The following STX2 variants were observed in gnomAD, a reference collection of about 807,000 sequenced individuals.
STX2 encodes syntaxin 2.
A neutral mutation model predicts 40.6 loss-of-function variants in STX2; 27 were observed. That is an observed-to-expected ratio of 0.66 (90% CI 0.49 to 0.92). The LOEUF (loss-of-function observed/expected upper bound fraction) is 0.92, where lower values mean the gene tolerates loss of function less well. Among genes scored for constraint, STX2 ranks in the 40% least tolerant of loss-of-function variants. STX2 has a pLI of 0.00. For synonymous variants in STX2, 123 were observed against 119.1 expected, an observed-to-expected ratio of 1.03 and a Z score of -0.22; for missense variants, 328 against 366.1, an observed-to-expected ratio of 0.90 and a Z score of 0.85.
At chr12:130,828,391 C>CTTTTTTTTTTTT (rs35993256) in intron 1 of STX2, among the ~76,000 whole-genome samples, 8 of 106,530 alleles carry the variant, frequency 7.5e-5, no homozygotes, top group East Asian at 3.0e-4. Context: ...CCACACCCGG[C>CTTTTTTTTTTTT]TTTTTTTTTT....
At position 130,801,208 on chromosome 12, in the gene STX2, C is replaced by G. The variant is rs1406716902; in HGVS notation, c.620G>C (p.Ser207Thr). 14 of 1,614,036 alleles carry G rather than the reference C, an allele frequency of 8.7e-6. No individual in the cohort carries two copies. The highest frequency in any genetic ancestry group is 1.0e-5 in the Non-Finnish European group (12 of 1,179,916). Reference protein sequence around the residue: ...RHKDIMKLETSIRELHEMFMD... With the variant: ...RHKDIMKLETTIRELHEMFMD... ...GAACATCTCATGCAACTCTCGGATG[C>G]TGGTCTCCAGCTTCATGATGTCCTT... The change falls in exon 8 of 11, where the codon AGC (serine) becomes ACC (threonine). Residue 207 changes from serine (S) to threonine (T), a missense_variant. Physicochemically the swap from Ser to Thr is moderately conservative, Grantham distance 58 (BLOSUM62 1). Transcript: ENST00000392373.
rs781171109 is a variant in STX2, at chr12:130,798,510, C to T, written c.786+15G>A. 3.1e-4 allele frequency: 483 copies of T among 1,575,488 alleles called. 2 individuals are homozygous for T. The highest frequency in any genetic ancestry group is 3.9e-4 in the Non-Finnish European group (450 of 1,165,976). ...AAGAGAAAAACGCAGCTTAATTCTT[C>T]GAAGCCAAACTCACCCTTCTTGCCT... On this transcript the variant is annotated intron_variant, in intron 9 of 10. Transcript: ENST00000392373.
chr12:130,814,240 G>A (rs967397901), intron 3 of STX2, among the ~76,000 whole-genome samples: 4 of 151,994 alleles, frequency 2.6e-5, no homozygotes, highest in African/African-American at 4.8e-5. Flanking sequence ...TAACAAGACC[G>A]CCAGGGACCT....
chr12:130,812,012 G>A (rs1951678492), intron 4 of STX2: 1 of 205,250 alleles, frequency 4.9e-6, no homozygotes, highest in Non-Finnish European at 9.9e-6. Context: ...TGCTGCAGAG[G>A]TAAAATCAGC....
intron 10 of STX2, among the ~76,000 whole-genome samples, chr12:130,793,868 C>T (rs1950950730): frequency 1.3e-5 from 2 of 152,242 alleles, no homozygotes; most frequent in Admixed American, 1.3e-4. Flanking sequence ...CACTGCCTTC[C>T]TATGCAAAGA....
chr12:130,809,365 A>G (rs2136277151), intron 4 of STX2, among the ~76,000 whole-genome samples: 1 of 152,390 alleles, frequency 6.6e-6, no homozygotes, highest in African/African-American at 2.4e-5. Flanking sequence ...GGGACGATGA[A>G]GAAAGAAGCT....
rs1028446367 is a variant in STX2 at position 130,789,796 on chromosome 12, G to A, written c.*2227C>T. The A allele has an allele frequency of 1.3e-5, 2 of 152,474 alleles. No homozygotes were observed. Among genetic ancestry groups the A allele is most frequent in the African/African-American group, 2.4e-5 (1 of 41,388 alleles). The allele number at this position is 152,474 out of a possible 1,614,324, so 9.4% of individuals were successfully genotyped here. ...ACATTTTTAAGTCTGACTTCAAATC[G>A]GTACATGAGGCTTAGACATACACAT... On this transcript the variant is annotated 3_prime_UTR_variant, in exon 11 of 11. Transcript: ENST00000392373.
At chr12:130,824,294 A>G (rs1243368534) in intron 2 of STX2, among the ~76,000 whole-genome samples, 1 of 152,148 alleles carries the variant, frequency 6.6e-6, no homozygotes, top group Non-Finnish European at 1.5e-5. Flanking sequence ...GGCTGACAAG[A>G]GAATTGCTTG....
chr12:130,798,598 T>C lies in STX2; in HGVS notation c.713A>G (p.Asn238Ser). The change falls in exon 9 of 11, where the codon AAT (asparagine) becomes AGT (serine). Residue 238 changes from asparagine (N) to serine (S), a missense_variant. Transcript: ENST00000392373. ...AGCGTGTTCTACATAGTCTGTGGCA[T>C]TCATAACATTTCTTTCTATGTTGTT... is the stretch of plus-strand genomic sequence containing the variant. The part of the protein sequence containing the change: ...MINNIERNVM[N>S]ATDYVEHAKE... The C allele has an allele frequency of 1.2e-6, 2 of 1,602,572 alleles. No homozygotes were observed. The highest frequency in any genetic ancestry group is 1.7e-6 in the Non-Finnish European group (2 of 1,176,790).
intron 3 of STX2, among the ~76,000 whole-genome samples, chr12:130,818,228 G>T (rs1217815953): frequency 8.6e-5 from 10 of 116,696 alleles, no homozygotes; most frequent in African/African-American, 4.2e-4. Context: ...AAAATTATCT[G>T]GGCGTGGTGG....
At chr12:130,820,783 C>T (rs1413623793) in intron 3 of STX2, among the ~76,000 whole-genome samples, 1 of 152,198 alleles carries the variant, frequency 6.6e-6, no homozygotes, top group Non-Finnish European at 1.5e-5. Context: ...CTCCTCGGAA[C>T]CCACAGCACC....
At chr12:130,820,615 G>A (rs1051247149) in intron 3 of STX2, among the ~76,000 whole-genome samples, 19 of 152,128 alleles carry the variant, frequency 1.2e-4, no homozygotes, top group African/African-American at 4.1e-4. Flanking sequence ...GCAGTGAGCC[G>A]AGACTGTGCC....
At chr12:130,804,963 G>A (rs4759519) in intron 6 of STX2, among the ~76,000 whole-genome samples, 85,047 of 151,914 alleles carry the variant, frequency 0.56, 26,332 homozygotes, top group East Asian at 0.88. Context: ...GGATTCACAT[G>A]GGGAGTGAAG....
At chr12:130,815,803 G>C (rs948327632) in intron 3 of STX2, among the ~76,000 whole-genome samples, 18 of 152,150 alleles carry the variant, frequency 1.2e-4, no homozygotes, top group Non-Finnish European at 1.0e-4. Flanking sequence ...GCCTGAGCCT[G>C]CACAATACAA....
At chr12:130,808,593 G>C in intron 5 of STX2, 38 bp downstream of exon 5, 1 of 1,559,286 alleles carries the variant, frequency 6.4e-7, no homozygotes, top group East Asian at 2.2e-5. Flanking sequence ...CACTTATTCT[G>C]CGACATTACT....
Position 130,791,886 on chromosome 12 carries a change from T to G in STX2, c.*137A>C, listed in dbSNP as rs1382386755. 3 of 1,608,898 alleles carry G rather than the reference T, an allele frequency of 1.9e-6. No homozygotes were observed. The highest frequency in any genetic ancestry group is 2.6e-6 in the Non-Finnish European group (3 of 1,176,378). ...TCTGAGTCTCAAGGATAAATGGCTC[T>G]TGGGATATGGTTGCTAGGACAATGT... On this transcript the variant is annotated 3_prime_UTR_variant, in exon 11 of 11. Transcript: ENST00000392373.
At chr12:130,793,074 T>C (rs1950924388) in intron 10 of STX2, among the ~76,000 whole-genome samples, 1 of 152,106 alleles carries the variant, frequency 6.6e-6, no homozygotes, top group African/African-American at 2.4e-5. Context: ...AATGTACGAG[T>C]GCTTTTACCT....
chr12:130,821,846 A>T, intron 2 of STX2, 58 bp from the exon 3 acceptor site: 4 of 1,092,164 alleles, frequency 3.7e-6, no homozygotes, highest in African/African-American at 1.5e-5. Flanking sequence ...ACCACTTTTC[A>T]TCCCCTAAAA....
chr12:130,808,766 C>A, intron 4 of STX2, 62 bp from the exon 5 acceptor site: 2 of 1,342,706 alleles, frequency 1.5e-6, no homozygotes, highest in Non-Finnish European at 1.0e-6. Flanking sequence ...CCAAGCCTGA[C>A]TTCAAATTCC....
Sources: gnomAD v4.1 joint callset for allele counts (sites outside exome capture counted in the v4.1 genomes callset) on GRCh38, gnomAD v4.1.1 for gene constraint, MANE v1.5 for transcripts, NCBI Gene and HGNC (gene_info 2026-07-23, HGNC 2026-07-21) for gene names.